HTT: variants seen among roughly 807,000 people sequenced by gnomAD.
HTT encodes huntington disease protein.
HTT carries 104 observed loss-of-function variants against 362.3 expected under a neutral mutation model. That is an observed-to-expected ratio of 0.29 (90% CI 0.24 to 0.34). HTT has a LOEUF of 0.34. Among genes scored for constraint, HTT ranks in the 10% least tolerant of loss-of-function variants. The pLI, the probability that HTT is intolerant of heterozygous loss-of-function variation, is 1.00. For missense variants in HTT, 3,301 were observed against 3,928.6 expected, an observed-to-expected ratio of 0.84 and a Z score of 4.27; for synonymous variants, 1,577 against 1,548.7, an observed-to-expected ratio of 1.02 and a Z score of -0.43.
rs774697439 is a variant in HTT, at chr4:3,199,774, G to A, written c.5411G>A (p.Arg1804His). 2.3e-5 allele frequency: 37 copies of A among 1,613,998 alleles called. No homozygotes were observed. The highest frequency in any genetic ancestry group is 1.2e-5 in the Non-Finnish European group (14 of 1,180,026). ...ACAGCAGCTGCCACTAGGCTGTTCC[G>A]CAGTGATGGCTGTGGCGGCAGTTTC... ...RITAAATRLFRSDGCGGSFYT... is the reference protein window; with the variant it reads ...RITAAATRLFHSDGCGGSFYT... The change falls in exon 41 of 67, where the codon CGC becomes CAC. Residue 1804 changes from arginine (R) to histidine (H), a missense_variant. Transcript: ENST00000355072.
intron 46 of HTT, 39 bp from the exon 47 acceptor site, chr4:3,209,788 C>T (rs368978449): frequency 8.0e-5 from 129 of 1,609,358 alleles, no homozygotes; most frequent in Middle Eastern, 3.7e-4. Flanking sequence ...CCTTGAACGC[C>T]GCCCATCATG....
At chr4:3,075,371 C>T (rs771602615) in intron 1 of HTT, among the ~76,000 whole-genome samples, 4 of 152,250 alleles carry the variant, frequency 2.6e-5, no homozygotes, top group South Asian at 2.1e-4. Context: ...GAGTCACGGC[C>T]TCAGCCCTCT....
intron 49 of HTT, chr4:3,213,022 C>T (rs1321257013): frequency 1.7e-5 from 5 of 301,510 alleles, no homozygotes; most frequent in Non-Finnish European, 3.1e-5. Context: ...TTAAGTTGGC[C>T]TGGACATGTC....
intron 5 of HTT, 83 bp from the exon 6 acceptor site, chr4:3,107,202 C>A: frequency 6.8e-7 from 1 of 1,461,724 alleles, no homozygotes; most frequent in South Asian, 1.3e-5. Flanking sequence ...ATAAAACTGG[C>A]TTTTCCCTAA....
intron 29 of HTT, among the ~76,000 whole-genome samples, chr4:3,164,389 G>A (rs1006995239): frequency 6.6e-6 from 1 of 152,196 alleles, no homozygotes; most frequent in African/African-American, 2.4e-5. Context: ...GTGCTGAGAA[G>A]AATGTATGTT....
At chr4:3,169,305 A>C (rs1256698469) in intron 29 of HTT, among the ~76,000 whole-genome samples, 1 of 152,140 alleles carries the variant, frequency 6.6e-6, no homozygotes, top group Non-Finnish European at 1.5e-5. Flanking sequence ...GGCGTGAGCC[A>C]CTGCACCCAG....
At chr4:3,075,953 GA>G in intron 1 of HTT, among the ~76,000 whole-genome samples, 1 of 152,092 alleles carries the variant, frequency 6.6e-6, no homozygotes, top group Non-Finnish European at 1.5e-5. Context: ...TGTGTGTTGG[GA>G]ATAAAACCAA....
chr4:3,201,766 G>A lies in HTT; in HGVS notation c.5576+1827G>A, dbSNP rs190554332. ...GGTTTAAACCCCTGCTCTTAGCACT[G>A]TGTTTTTCCAGCTGTGGGTGGTGGG... On this transcript the variant is annotated intron_variant, in intron 41 of 66. Transcript: ENST00000355072. Among the ~76,000 whole-genome samples, 242 of 152,260 alleles carry A rather than the reference G, an allele frequency of 1.6e-3. 2 individuals carry two copies. Among genetic ancestry groups the A allele is most frequent in the Admixed American group, 2.9e-3 (45 of 15,290 alleles).
At chr4:3,207,204 C>A in intron 44 of HTT, 77 bp from the exon 45 acceptor site, 1 of 1,316,464 alleles carries the variant, frequency 7.6e-7, no homozygotes. Flanking sequence ...CACATCAGTT[C>A]ATCCTTTTTA....
At chr4:3,204,222 G>C in intron 42 of HTT, 74 bp downstream of exon 42, 1 of 1,517,314 alleles carries the variant, frequency 6.6e-7, no homozygotes, top group East Asian at 2.3e-5. Flanking sequence ...GATGACACTT[G>C]CATGGACCCT....
intron 44 of HTT, 89 bp downstream of exon 44, chr4:3,207,072 A>G (rs1448144748): frequency 1.5e-6 from 2 of 1,325,832 alleles, no homozygotes; most frequent in Non-Finnish European, 1.0e-6. Flanking sequence ...CTCCGTAAGT[A>G]TGGTCTTGAC....
At chr4:3,078,730 G>C (rs112527131) in intron 1 of HTT, among the ~76,000 whole-genome samples, 3,565 of 150,752 alleles carry the variant, frequency 0.024, 132 homozygotes, top group African/African-American at 0.083. Context: ...TGCCATGCCT[G>C]GGTAATTTTT....
At chr4:3,162,278 C>G (rs912170421) in intron 29 of HTT, among the ~76,000 whole-genome samples, 2 of 152,076 alleles carry the variant, frequency 1.3e-5, no homozygotes, top group Non-Finnish European at 2.9e-5. Flanking sequence ...TTCCATTGGT[C>G]TATATATCTG....
chr4:3,105,097 G>C (rs914401859), intron 4 of HTT, among the ~76,000 whole-genome samples: 3 of 152,124 alleles, frequency 2.0e-5, no homozygotes, highest in Admixed American at 2.0e-4. Flanking sequence ...AGGAAATGCT[G>C]TTTGGTAGAC....
intron 64 of HTT, among the ~76,000 whole-genome samples, chr4:3,236,662 C>A (rs1721551386): frequency 6.6e-6 from 1 of 152,082 alleles, no homozygotes; most frequent in Admixed American, 6.5e-5. Context: ...GGGAGGGGGG[C>A]CGTGGTGCCT....
At position 3,202,595 on chromosome 4, in the gene HTT, T is replaced by TA. The variant is rs1351523679; in HGVS notation, c.5577-1411dup. On this transcript the variant is annotated intron_variant, in intron 41 of 66. Coordinates refer to ENST00000355072, the MANE Select transcript of HTT (RefSeq NM_001388492.1). ...CCCCCCTCCCCCAACCACATCAAGA[T>TA]ATAGAGGAGTGCTGTCACTTCAAAC... is the stretch of plus-strand genomic sequence containing the variant. 2.0e-5 allele frequency among the ~76,000 whole-genome samples: 3 copies of TA among 152,164 alleles called. No homozygotes were observed. The East Asian group carries it at 5.8e-4, about 29-fold the overall frequency.
chr4:3,140,605 T>C lies in HTT; in HGVS notation c.2894T>C (p.Leu965Pro). 6.2e-7 allele frequency: 1 copy of C among 1,614,210 alleles called. No individual in the cohort carries two copies. The highest frequency in any genetic ancestry group is 8.5e-7 in the Non-Finnish European group (1 of 1,179,992). Residue 965 changes from leucine to proline, a missense_variant, in exon 22 of 67, where the codon CTC becomes CCC. By Grantham distance (98) the Leu-to-Pro change is moderately conservative (BLOSUM62 -3). Around this residue, in one of 4 missense-constraint regions of HTT, gnomAD observed 2,316 missense variants for 2,658.5 expected, o/e 0.87. Transcript: ENST00000355072. Reference sequence around the variant, plus strand: ...CAAAGCAGTGTTTACCTGAAACTTCTCATGCATGAGACGCAGCCTCCATCT... The same window carrying C: ...CAAAGCAGTGTTTACCTGAAACTTCCCATGCATGAGACGCAGCCTCCATCT... ...RDQSSVYLKL[L>P]MHETQPPSHF... is the part of the protein sequence containing the mutation.
chr4:3,131,535 G>A, intron 15 of HTT, 103 bp from the exon 16 acceptor site: 1 of 1,533,532 alleles, frequency 6.5e-7, no homozygotes, highest in South Asian at 1.1e-5. Flanking sequence ...GCCGAGGGGA[G>A]GGAGGAAATG....
chr4:3,172,058 G>T (rs188588588), intron 29 of HTT, among the ~76,000 whole-genome samples: 1 of 152,270 alleles, frequency 6.6e-6, no homozygotes, highest in East Asian at 1.9e-4. Flanking sequence ...TAGACAACAG[G>T]TACTTGATAA....
Sources: allele counts gnomAD v4.1 joint callset (sites outside exome capture counted in the v4.1 genomes callset), GRCh38; gene constraint gnomAD v4.1.1; regional missense constraint gnomAD v4.1.1; transcripts MANE v1.5; gene names NCBI Gene and HGNC (gene_info 2026-07-23, HGNC 2026-07-21).